The following DLG2 variants were observed in gnomAD, a reference collection of about 807,000 sequenced individuals.
DLG2 encodes disks large homolog 2.
Under a neutral mutation model 132.5 loss-of-function variants are expected in DLG2, and 45 were observed. That is an observed-to-expected ratio of 0.34 (90% CI 0.27 to 0.44). The LOEUF (loss-of-function observed/expected upper bound fraction) is 0.44, where lower values mean the gene tolerates loss of function less well. DLG2 is among the 20% of genes least tolerant of loss of function. The probability of loss-of-function intolerance (pLI) is 1.00; values close to 1 mark genes in which losing one functional copy is unlikely to be tolerated. For synonymous variants in DLG2, 424 were observed against 419.6 expected, an observed-to-expected ratio of 1.01 and a Z score of -0.13; for missense variants, 1,045 against 1,196.9, an observed-to-expected ratio of 0.87 and a Z score of 1.87.
intron 17 of DLG2, among the ~76,000 whole-genome samples, chr11:83,823,909 T>C (rs1172243892): frequency 6.6e-6 from 1 of 152,140 alleles, no homozygotes; most frequent in African/African-American, 2.4e-5. Flanking sequence ...AGACTTTGAG[T>C]ATGGACTGCC....
chr11:85,307,285 G>A (rs755789710), intron 3 of DLG2, among the ~76,000 whole-genome samples: 16 of 151,968 alleles, frequency 1.1e-4, no homozygotes, highest in Non-Finnish European at 1.9e-4. Flanking sequence ...AGAAATCGAA[G>A]AAATAGAAGA....
At chr11:84,886,704 A>G (rs563750725) in intron 6 of DLG2, among the ~76,000 whole-genome samples, 1 of 152,292 alleles carries the variant, frequency 6.6e-6, no homozygotes, top group South Asian at 2.1e-4. Context: ...AACCAATAAT[A>G]ACATAGACAG....
chr11:83,522,981 T>C (rs2095521312), intron 21 of DLG2, among the ~76,000 whole-genome samples: 1 of 152,218 alleles, frequency 6.6e-6, no homozygotes, highest in South Asian at 2.1e-4. Flanking sequence ...AGGCAAGATA[T>C]ACTCTTTTTA....
At chr11:83,805,582 C>A (rs896961734) in intron 17 of DLG2, among the ~76,000 whole-genome samples, 7 of 152,118 alleles carry the variant, frequency 4.6e-5, no homozygotes, top group Middle Eastern at 3.4e-3. Flanking sequence ...TCCCATCCTC[C>A]CTCTCCCTTT....
chr11:83,489,442 T>C (rs1336372605), intron 21 of DLG2, among the ~76,000 whole-genome samples: 1 of 151,982 alleles, frequency 6.6e-6, no homozygotes, highest in African/African-American at 2.4e-5. Flanking sequence ...TTACAATGTA[T>C]AGACTTCATT....
intron 10 of DLG2, among the ~76,000 whole-genome samples, chr11:84,074,763 C>T (rs1014534310): frequency 7.2e-5 from 11 of 152,064 alleles, no homozygotes; most frequent in African/African-American, 2.2e-4. Context: ...CTCCTGACCT[C>T]GTGATCTGCC....
intron 7 of DLG2, among the ~76,000 whole-genome samples, chr11:84,260,241 T>C (rs1313788283): frequency 1.3e-5 from 2 of 152,160 alleles, no homozygotes; most frequent in African/African-American, 4.8e-5. Context: ...TTAGCTCAAA[T>C]CTCAAATGTG....
At chr11:85,521,685 A>G in intron 3 of DLG2, among the ~76,000 whole-genome samples, 1 of 152,206 alleles carries the variant, frequency 6.6e-6, no homozygotes, top group Non-Finnish European at 1.5e-5. Context: ...TGGACCTGCT[A>G]TATGGACAAT....
intron 12 of DLG2, among the ~76,000 whole-genome samples, chr11:83,975,211 A>G (rs71465576): frequency 0.043 from 6,467 of 152,108 alleles, 198 homozygotes; most frequent in Non-Finnish European, 0.067. Context: ...AAAATATATG[A>G]AAGAATTTAA....
At chr11:84,735,485 C>A (rs1484329879) in intron 6 of DLG2, among the ~76,000 whole-genome samples, 2 of 151,994 alleles carry the variant, frequency 1.3e-5, no homozygotes, top group Non-Finnish European at 1.5e-5. Flanking sequence ...GTGGTGATAT[C>A]CCTTTTATCA....
At chr11:84,719,919 C>A (rs1315146011) in intron 6 of DLG2, among the ~76,000 whole-genome samples, 5 of 152,124 alleles carry the variant, frequency 3.3e-5, no homozygotes, top group Admixed American at 2.0e-4. Context: ...TGGGTTGGGG[C>A]TCTAGGTGGT....
chr11:85,466,852 C>G (rs1212146664), intron 3 of DLG2, among the ~76,000 whole-genome samples: 2 of 152,124 alleles, frequency 1.3e-5, no homozygotes, highest in African/African-American at 2.4e-5. Context: ...TGAAGAAAGT[C>G]ATTGGTAGCT....
chr11:83,551,317 A>G (rs866701839), intron 19 of DLG2, among the ~76,000 whole-genome samples: 2 of 152,244 alleles, frequency 1.3e-5, no homozygotes, highest in South Asian at 2.1e-4. Context: ...ACTTAAGCCT[A>G]CCTCTGCTAT....
chr11:85,155,391 G>A (rs1447188094), intron 4 of DLG2, among the ~76,000 whole-genome samples: 1 of 152,162 alleles, frequency 6.6e-6, no homozygotes, highest in East Asian at 1.9e-4. Context: ...TTTGCAAGTA[G>A]GATACAATCT....
chr11:84,027,790 C>T (rs2095578200), intron 11 of DLG2, among the ~76,000 whole-genome samples: 1 of 151,962 alleles, frequency 6.6e-6, no homozygotes, highest in Non-Finnish European at 1.5e-5. Flanking sequence ...AAATTTTACT[C>T]CTTCATGGCA....
chr11:85,130,546 G>T (rs7936760), intron 5 of DLG2, among the ~76,000 whole-genome samples: 1 of 152,166 alleles, frequency 6.6e-6, no homozygotes. Context: ...CTGTGGTATC[G>T]AAATGTGCTG....
At chr11:83,673,093 C>CA (rs975458687) in intron 18 of DLG2, among the ~76,000 whole-genome samples, 5 of 151,768 alleles carry the variant, frequency 3.3e-5, no homozygotes, top group Admixed American at 6.6e-5. Flanking sequence ...ACAAAACAAA[C>CA]AAAAAAAACT....
At chr11:84,716,428 G>GAC (rs931522860) in intron 6 of DLG2, among the ~76,000 whole-genome samples, 2 of 151,902 alleles carry the variant, frequency 1.3e-5, no homozygotes, top group African/African-American at 4.8e-5. Context: ...AAAGAAGGGA[G>GAC]ACACACACAC....
At chr11:84,999,974 A>G (rs374011915) in intron 6 of DLG2, among the ~76,000 whole-genome samples, 67 of 149,408 alleles carry the variant, frequency 4.5e-4, no homozygotes, top group African/African-American at 8.7e-4. Context: ...TTTTGTAAAG[A>G]GTCTTTACAA....
Sources: allele counts gnomAD v4.1 joint callset (sites outside exome capture counted in the v4.1 genomes callset), GRCh38; gene constraint gnomAD v4.1.1; transcripts MANE v1.5; gene names NCBI Gene and HGNC (gene_info 2026-07-23, HGNC 2026-07-21).